Variants in TRAPPC9 observed in about 807,000 individuals in gnomAD.
TRAPPC9 encodes IKK2 binding protein.
In TRAPPC9, 83 loss-of-function variants were observed where a neutral mutation model predicts 124.0. The observed-to-expected ratio is 0.67, with a 90% CI of 0.56 to 0.80. The LOEUF (loss-of-function observed/expected upper bound fraction) is 0.80. TRAPPC9 is among the 30% of genes least tolerant of loss of function. The pLI is 0.00. For synonymous variants in TRAPPC9, 638 were observed against 617.5 expected (o/e 1.03, Z -0.49); for missense variants, 1,302 against 1,508.3 (o/e 0.86, Z 2.27).
chr8:140,278,867 A>G (rs2065212849), intron 14 of TRAPPC9, among the ~76,000 whole-genome samples: 1 of 152,204 alleles, frequency 6.6e-6, no homozygotes, highest in African/African-American at 2.4e-5. Context: ...GCCTTTCCTG[A>G]GAAGTTCCCT....
intron 17 of TRAPPC9, among the ~76,000 whole-genome samples, chr8:140,057,362 G>T (rs983199753): frequency 5.9e-5 from 9 of 152,182 alleles, no homozygotes; most frequent in African/African-American, 2.2e-4. Context: ...ATTGAAATCA[G>T]GATCTCAGAG....
At chr8:140,370,381 C>T (rs759842952) in intron 8 of TRAPPC9, among the ~76,000 whole-genome samples, 74 of 152,074 alleles carry the variant, frequency 4.9e-4, no homozygotes, top group Admixed American at 3.1e-3. Flanking sequence ...TCAAGTGATC[C>T]GCCCACCCTG....
intron 21 of TRAPPC9, among the ~76,000 whole-genome samples, chr8:139,846,202 TC>T (rs1271827071): frequency 6.6e-6 from 1 of 152,100 alleles, no homozygotes; most frequent in Non-Finnish European, 1.5e-5. Flanking sequence ...GTGTGAACAG[TC>T]CCAGCAAGAA....
At chr8:139,774,410 G>A (rs868776944) in intron 21 of TRAPPC9, among the ~76,000 whole-genome samples, 1 of 152,260 alleles carries the variant, frequency 6.6e-6, no homozygotes, top group Middle Eastern at 3.4e-3. Context: ...GTGCGTGCAA[G>A]TGTGTGTCTG....
chr8:140,279,723 G>A (rs962823415), intron 14 of TRAPPC9, among the ~76,000 whole-genome samples: 1 of 152,146 alleles, frequency 6.6e-6, no homozygotes, highest in Non-Finnish European at 1.5e-5. Flanking sequence ...TAAAAATGGG[G>A]GGTCAGAGGC....
chr8:140,348,146 T>G (rs2067407405), intron 9 of TRAPPC9, among the ~76,000 whole-genome samples: 1 of 152,248 alleles, frequency 6.6e-6, no homozygotes, highest in Non-Finnish European at 1.5e-5. Flanking sequence ...GGGGTCCTGC[T>G]GTTCTGCCAC....
intron 19 of TRAPPC9, among the ~76,000 whole-genome samples, chr8:139,958,607 C>T (rs1356350782): frequency 6.6e-6 from 1 of 152,224 alleles, no homozygotes; most frequent in African/African-American, 2.4e-5. Context: ...CCACGCTCTT[C>T]TGCAAAAGGG....
chr8:139,924,929 A>AG lies in TRAPPC9; in HGVS notation c.2811-14630dup, dbSNP rs367635846. The stretch of plus-strand genomic sequence containing the variant: ...GATCACCTGAATGACTTTCATGAGC[A>AG]GGGGGGTCAGCGGTGTTCAGTGTGG... On this transcript the variant is annotated intron_variant, in intron 19 of 22. Coordinates refer to ENST00000438773, the MANE Select transcript of TRAPPC9 (RefSeq NM_001160372.4). Among the ~76,000 whole-genome samples the AG allele has an allele frequency of 1.2e-4, 19 of 152,330 alleles. No homozygotes were observed. The East Asian group carries it at 2.5e-3, about 20-fold the overall frequency.
intron 21 of TRAPPC9, among the ~76,000 whole-genome samples, chr8:139,826,425 C>T (rs905452552): frequency 7.9e-5 from 12 of 152,196 alleles, no homozygotes; most frequent in Admixed American, 7.2e-4. Context: ...GCAAGCCATG[C>T]TCAGCCCTGG....
intron 17 of TRAPPC9, among the ~76,000 whole-genome samples, chr8:140,094,350 C>A (rs1440736685): frequency 6.6e-6 from 1 of 152,168 alleles, no homozygotes; most frequent in Admixed American, 6.5e-5. Flanking sequence ...ATGTAGACAG[C>A]CTGTGGGTGT....
intron 19 of TRAPPC9, among the ~76,000 whole-genome samples, chr8:139,947,686 C>T (rs766433564): frequency 1.3e-5 from 2 of 151,120 alleles, no homozygotes; most frequent in Non-Finnish European, 2.9e-5. Context: ...ATGGGGAAAC[C>T]CTGTCTCTAC....
intron 19 of TRAPPC9, among the ~76,000 whole-genome samples, chr8:139,922,184 GT>G (rs11333185): frequency 0.26 from 37,455 of 145,530 alleles, 4,813 homozygotes; most frequent in African/African-American, 0.36. Context: ...ATGGTTTGGT[GT>G]TTTTTTTTTT....
chr8:140,028,523 G>C (rs540411347), intron 17 of TRAPPC9, among the ~76,000 whole-genome samples: 2 of 152,334 alleles, frequency 1.3e-5, no homozygotes, highest in South Asian at 4.1e-4. Flanking sequence ...AGAGCACCCA[G>C]GAAGCAGCAC....
At chr8:140,001,507 A>G (rs1838403000) in intron 18 of TRAPPC9, among the ~76,000 whole-genome samples, 1 of 152,204 alleles carries the variant, frequency 6.6e-6, no homozygotes, top group East Asian at 1.9e-4. Flanking sequence ...GAAAAATATC[A>G]GTAAACTAAA....
chr8:139,953,732 T>G (rs1834808091), intron 19 of TRAPPC9, among the ~76,000 whole-genome samples: 1 of 152,192 alleles, frequency 6.6e-6, no homozygotes, highest in African/African-American at 2.4e-5. Context: ...CCCAACTTTA[T>G]TTAAATAAAG....
chr8:140,446,932 G>A (rs902115900), intron 2 of TRAPPC9, among the ~76,000 whole-genome samples: 1 of 152,134 alleles, frequency 6.6e-6, no homozygotes, highest in Non-Finnish European at 1.5e-5. Flanking sequence ...CAAAAGAAAA[G>A]ACAGCCGCAC....
In TRAPPC9 at chr8:139,910,184, A is replaced by G. The variant is rs769348408; in HGVS notation, c.2927T>C (p.Leu976Pro). Residue 976 changes from leucine (L) to proline (P), a missense_variant, in exon 20 of 23, where the codon CTG becomes CCG. Transcript: ENST00000438773. ...LEEERREARGLEIHSKLGICW... is the reference protein window; with the variant it reads ...LEEERREARGPEIHSKLGICW... Reference sequence around the variant, plus strand: ...GATGCCCAGCTTGCTGTGGATCTCCAGGCCTCGGGCTTCCCGCCGCTCTTC... The same window carrying G: ...GATGCCCAGCTTGCTGTGGATCTCCGGGCCTCGGGCTTCCCGCCGCTCTTC... 1.2e-6 allele frequency: 2 copies of G among 1,613,674 alleles called. No homozygotes were observed. Among genetic ancestry groups the G allele is most frequent in the Non-Finnish European group, 1.7e-6 (2 of 1,179,946 alleles).
chr8:140,003,601 C>CAA (rs58826807), intron 18 of TRAPPC9, among the ~76,000 whole-genome samples: 2,502 of 90,986 alleles, frequency 0.027, 92 homozygotes, highest in African/African-American at 0.075. Flanking sequence ...GACCCTGTCA[C>CAA]AAAAAAAAAA....
chr8:139,756,583 C>T (rs1303840787), intron 21 of TRAPPC9, among the ~76,000 whole-genome samples: 4 of 38,050 alleles, frequency 1.1e-4, no homozygotes, highest in South Asian at 1.7e-3. Flanking sequence ...AGGAGGAGCC[C>T]GGGATGGGGT....
Sources: gnomAD v4.1 joint callset for allele counts (sites outside exome capture counted in the v4.1 genomes callset) on GRCh38, gnomAD v4.1.1 for gene constraint, MANE v1.5 for transcripts, NCBI Gene and HGNC (gene_info 2026-07-23, HGNC 2026-07-21) for gene names.